Variants in SKP2 observed in about 807,000 individuals in gnomAD.
SKP2 encodes the protein S-phase kinase associated protein 2, also known as S-phase kinase-associated protein 2.
SKP2 carries 16 observed loss-of-function variants against 51.8 expected under a neutral mutation model. The ratio of observed to expected loss-of-function variants is 0.31; its 90% CI spans 0.21 to 0.47. The LOEUF is 0.47. Ranked by LOEUF, SKP2 falls within the 20% of genes least tolerant of loss-of-function variation. SKP2 has a pLI of 1.00. For missense variants in SKP2, 377 were observed against 505.3 expected (o/e 0.75, Z 2.43); for synonymous variants, 176 against 198.6 (o/e 0.89, Z 0.96).
At chr5:36,156,232 G>A (rs1036460925) in intron 2 of SKP2, among the ~76,000 whole-genome samples, 1 of 152,196 alleles carries the variant, frequency 6.6e-6, no homozygotes, top group Non-Finnish European at 1.5e-5. Flanking sequence ...AGCTGGTATA[G>A]AGGATTCCCA....
intron 5 of SKP2, 77 bp downstream of exon 5, chr5:36,168,524 G>C (rs1579563489): frequency 8.9e-6 from 12 of 1,347,262 alleles, no homozygotes. Flanking sequence ...TAACTGGGGT[G>C]CCCTTCTAGC....
At chr5:36,188,202 G>T (rs1159815807), downstream of SKP2, among the ~76,000 whole-genome samples, 9 of 152,156 alleles carry the variant, frequency 5.9e-5, no homozygotes, top group African/African-American at 1.2e-4. Flanking sequence ...GTCCGTGTCT[G>T]TTAATTGGAG....
chr5:36,189,641 C>T (rs928649657), intron 6 of SKP2, among the ~76,000 whole-genome samples: 41 of 152,198 alleles, frequency 2.7e-4, no homozygotes, highest in Non-Finnish European at 1.6e-4. Flanking sequence ...CTGGGATGTG[C>T]CTCCCAGTTA....
chr5:36,191,355 A>G (rs550850440), intron 6 of SKP2, among the ~76,000 whole-genome samples: 24 of 152,106 alleles, frequency 1.6e-4, no homozygotes, highest in Admixed American at 7.2e-4. Context: ...CAAAATGTCA[A>G]TAGTGTCAGT....
At chr5:36,176,851 C>G (rs1033946245) in intron 7 of SKP2, 114 bp from the exon 8 acceptor site, 11 of 661,668 alleles carry the variant, frequency 1.7e-5, no homozygotes, top group Non-Finnish European at 2.1e-5. Context: ...GTGTGTGGTT[C>G]TAATTGCATT....
At chr5:36,157,833 G>A (rs1745001915) in intron 2 of SKP2, among the ~76,000 whole-genome samples, 1 of 152,196 alleles carries the variant, frequency 6.6e-6, no homozygotes. Context: ...GTGGAGTGAT[G>A]TTCTGAGAAA....
intron 6 of SKP2, among the ~76,000 whole-genome samples, chr5:36,190,369 C>CA (rs755430416): frequency 7.9e-5 from 12 of 152,132 alleles, no homozygotes; most frequent in Non-Finnish European, 1.6e-4. Flanking sequence ...ACCACCTCAC[C>CA]AGGCTTGTTA....
intron 6 of SKP2, chr5:36,192,455 A>AT (rs1423134592): frequency 6.6e-6 from 1 of 152,218 alleles, no homozygotes; most frequent in African/African-American, 2.4e-5. Context: ...AATGTACATT[A>AT]TTTTCACAAC....
intron 6 of SKP2, among the ~76,000 whole-genome samples, chr5:36,191,075 C>T (rs549574477): frequency 6.6e-6 from 1 of 152,286 alleles, no homozygotes; most frequent in African/African-American, 2.4e-5. Context: ...ACTATGTTAT[C>T]TGTCCTGTGT....
At chr5:36,157,945 C>T (rs1353509276) in intron 2 of SKP2, among the ~76,000 whole-genome samples, 1 of 152,202 alleles carries the variant, frequency 6.6e-6, no homozygotes, top group Non-Finnish European at 1.5e-5. Flanking sequence ...ACAAGGCCCT[C>T]TTCCCAGAGA....
chr5:36,175,005 C>T (rs1178959314), intron 7 of SKP2, among the ~76,000 whole-genome samples: 1 of 152,048 alleles, frequency 6.6e-6, no homozygotes, highest in Non-Finnish European at 1.5e-5. Flanking sequence ...GTATTTCGAG[C>T]AGAGCAATAT....
chr5:36,163,785 G>A (rs761340145), intron 3 of SKP2, 29 bp downstream of exon 3: 12 of 1,387,538 alleles, frequency 8.6e-6, no homozygotes, highest in East Asian at 2.3e-5. Flanking sequence ...TTTGGCAAAC[G>A]TAGGGGAGGA....
At position 36,174,062 on chromosome 5, in the gene SKP2, A is replaced by G. The variant is rs543214968; in HGVS notation, c.901+2329A>G. ...GGAACATTTCTTGCCACATGGTAAGAGTTCAATTAGTGTTGGCTGTTAATA... is the reference window on the plus strand; with the variant it reads ...GGAACATTTCTTGCCACATGGTAAGGGTTCAATTAGTGTTGGCTGTTAATA... On this transcript the variant is annotated intron_variant, in intron 7 of 9. Coordinates refer to ENST00000274255, the MANE Select transcript of SKP2 (RefSeq NM_005983.4). Among the ~76,000 whole-genome samples the G allele has an allele frequency of 2.0e-5, 3 of 152,258 alleles. No individual in the cohort carries two copies. The East Asian group carries it at 5.8e-4, about 29-fold the overall frequency.
In SKP2 at chr5:36,183,498, A is replaced by T. The variant is rs1159658205; in HGVS notation, c.*1467A>T. The T allele has an allele frequency of 3.9e-6, 2 of 514,020 alleles. No individual in the cohort carries two copies. Among genetic ancestry groups the T allele is most frequent in the Non-Finnish European group, 5.0e-6 (2 of 398,614 alleles). 31.8% of individuals were successfully genotyped at this position (514,020 alleles called of 1,614,324 possible). A position where few individuals can be genotyped will look rare whatever the true frequency, so the allele number is the denominator to read the frequency against. ...TAGCCAGGATGGTCTCAATCTCCTG[A>T]CCTCATGATCCGCCCGTCTTGGCCT... is the stretch of plus-strand genomic sequence containing the variant. On this transcript the variant is annotated 3_prime_UTR_variant, in exon 10 of 10. Transcript: ENST00000274255.
At chr5:36,176,127 G>A (rs1745625266) in intron 7 of SKP2, among the ~76,000 whole-genome samples, 1 of 151,780 alleles carries the variant, frequency 6.6e-6, no homozygotes, top group Admixed American at 6.6e-5. Context: ...TCACTTGATG[G>A]CTGAGAAGAA....
chr5:36,152,737 C>A, intron 1 of SKP2, 34 bp from the exon 2 acceptor site: 1 of 1,595,624 alleles, frequency 6.3e-7, no homozygotes. Flanking sequence ...GGTGTGTTTT[C>A]GAAAGGAACC....
chr5:36,174,836 G>T (rs754925432), intron 7 of SKP2, among the ~76,000 whole-genome samples: 16 of 152,120 alleles, frequency 1.1e-4, no homozygotes, highest in Non-Finnish European at 2.2e-4. Context: ...GAACATTCAA[G>T]AACAAAGGAC....
At chr5:36,163,540 C>A in intron 2 of SKP2, 105 bp from the exon 3 acceptor site, 2 of 672,398 alleles carry the variant, frequency 3.0e-6, no homozygotes, top group Non-Finnish European at 2.7e-6. Flanking sequence ...TGCTAAATTC[C>A]TCATTTAAGC....
intron 2 of SKP2, among the ~76,000 whole-genome samples, chr5:36,154,127 A>G (rs1744862725): frequency 6.6e-6 from 1 of 152,154 alleles, no homozygotes; most frequent in South Asian, 2.1e-4. Flanking sequence ...AGCTATGGCT[A>G]AAAACAAAAA....
Sources: gnomAD v4.1 joint callset for allele counts (sites outside exome capture counted in the v4.1 genomes callset) on GRCh38, gnomAD v4.1.1 for gene constraint, MANE v1.5 for transcripts, NCBI Gene and HGNC (gene_info 2026-07-23, HGNC 2026-07-21) for gene names.